TNFSF4: variants seen among roughly 807,000 people sequenced by gnomAD.
The protein encoded by TNFSF4 is tumor necrosis factor ligand superfamily member 4.
In TNFSF4, 4 loss-of-function variants were observed where a neutral mutation model predicts 7.3. That is an observed-to-expected ratio of 0.55 (90% CI 0.27 to 1.25). The LOEUF (loss-of-function observed/expected upper bound fraction) is 1.25. Among genes scored for constraint, TNFSF4 ranks in the 50% most tolerant of loss-of-function variants. The probability of loss-of-function intolerance (pLI) is 0.12; values close to 1 mark genes in which losing one functional copy is unlikely to be tolerated. For missense variants in TNFSF4, 181 were observed against 208.8 expected (o/e 0.87, Z 0.82); for synonymous variants, 76 against 83.7 (o/e 0.91, Z 0.50).
downstream of TNFSF4, among the ~76,000 whole-genome samples, chr1:173,181,985 T>C (rs1183926432): frequency 6.6e-6 from 1 of 152,062 alleles, no homozygotes; most frequent in Non-Finnish European, 1.5e-5. Context: ...ATTTAAGTAA[T>C]AAAAAATACA....
chr1:173,299,872 G>A, the TNFSF4 span, among the ~76,000 whole-genome samples: 1 of 151,746 alleles, frequency 6.6e-6, no homozygotes, highest in African/African-American at 2.4e-5. Flanking sequence ...ACTATAAGCA[G>A]TTTTCTTGTA....
At chr1:173,430,761 C>CTA in the TNFSF4 span, among the ~76,000 whole-genome samples, 1 of 152,172 alleles carries the variant, frequency 6.6e-6, no homozygotes, top group East Asian at 1.9e-4. Context: ...ATAATTTGTG[C>CTA]TATATATAGC....
chr1:173,270,650 G>T, the TNFSF4 span, among the ~76,000 whole-genome samples: 1 of 151,984 alleles, frequency 6.6e-6, no homozygotes, highest in East Asian at 1.9e-4. Flanking sequence ...CAATTATGTT[G>T]GGCTGTGAAG....
At chr1:173,402,442 A>T in the TNFSF4 span, among the ~76,000 whole-genome samples, 1 of 152,054 alleles carries the variant, frequency 6.6e-6, no homozygotes, top group Non-Finnish European at 1.5e-5. Flanking sequence ...CCAAAACCCA[A>T]CCAGAGGTAA....
At chr1:173,334,799 T>A in the TNFSF4 span, among the ~76,000 whole-genome samples, 1 of 152,104 alleles carries the variant, frequency 6.6e-6, no homozygotes, top group African/African-American at 2.4e-5. Context: ...GGCTGCTGCC[T>A]TTCAAGAAAT....
chr1:173,388,087 T>G, the TNFSF4 span, among the ~76,000 whole-genome samples: 2 of 152,218 alleles, frequency 1.3e-5, no homozygotes, highest in Non-Finnish European at 2.9e-5. Context: ...AAAGATTACA[T>G]AAGAGAAAAC....
At chr1:173,357,592 T>C in the TNFSF4 span, among the ~76,000 whole-genome samples, 3 of 152,046 alleles carry the variant, frequency 2.0e-5, no homozygotes, top group South Asian at 6.2e-4. Flanking sequence ...AGCGCAATGG[T>C]GCAATGTCGG....
chr1:173,188,516 C>T lies in TNFSF4; in HGVS notation c.202+5G>A, dbSNP rs1280223420. Reference sequence around the variant, plus strand: ...TGAATCAATTAAACTTTTGACAATACTTACCGGTAAATTGTACTTTGATAC... The same window carrying T: ...TGAATCAATTAAACTTTTGACAATATTTACCGGTAAATTGTACTTTGATAC... On this transcript the variant is annotated splice_donor_5th_base_variant and intron_variant, in intron 2 of 2. Coordinates refer to ENST00000281834, the MANE Select transcript of TNFSF4 (RefSeq NM_003326.5). 9 of 1,606,592 alleles carry T rather than the reference C, an allele frequency of 5.6e-6. No homozygotes were observed. The South Asian group carries it at 9.9e-5, about 18-fold the overall frequency.
the TNFSF4 span, among the ~76,000 whole-genome samples, chr1:173,428,280 G>A: frequency 2.0e-5 from 3 of 152,142 alleles, no homozygotes; most frequent in South Asian, 6.2e-4. Context: ...ATCCATAATG[G>A]TTCATCGTTG....
chr1:173,316,520 C>T, the TNFSF4 span, among the ~76,000 whole-genome samples: 9 of 151,992 alleles, frequency 5.9e-5, no homozygotes, highest in East Asian at 1.9e-4. Context: ...TAACTTCCTG[C>T]CAAACCACAC....
the TNFSF4 span, among the ~76,000 whole-genome samples, chr1:173,245,397 TA>T: frequency 6.6e-6 from 1 of 152,218 alleles, no homozygotes; most frequent in African/African-American, 2.4e-5. Context: ...TCATTCAGAA[TA>T]TTCAGTTACT....
At chr1:173,365,742 T>A in the TNFSF4 span, among the ~76,000 whole-genome samples, 1 of 152,234 alleles carries the variant, frequency 6.6e-6, no homozygotes, top group Non-Finnish European at 1.5e-5. Flanking sequence ...TTACTTCTGA[T>A]GAAATTTACC....
the TNFSF4 span, among the ~76,000 whole-genome samples, chr1:173,247,658 A>G: frequency 1.3e-5 from 2 of 152,202 alleles, no homozygotes; most frequent in Admixed American, 1.3e-4. Flanking sequence ...TCATCAAAAC[A>G]AGGAAAAGAT....
the TNFSF4 span, among the ~76,000 whole-genome samples, chr1:173,178,410 T>C: frequency 1.3e-5 from 2 of 152,036 alleles, no homozygotes; most frequent in Non-Finnish European, 2.9e-5. Flanking sequence ...CTGTTTCTAT[T>C]AAAAATACAA....
the TNFSF4 span, among the ~76,000 whole-genome samples, chr1:173,326,441 C>G: frequency 3.3e-5 from 5 of 152,318 alleles, no homozygotes; most frequent in Non-Finnish European, 5.9e-5. Context: ...GAACCATTCC[C>G]TTTGAAAACT....
the TNFSF4 span, among the ~76,000 whole-genome samples, chr1:173,237,714 C>T: frequency 6.6e-6 from 1 of 152,216 alleles, no homozygotes; most frequent in African/African-American, 2.4e-5. Flanking sequence ...AGTGAAAGAG[C>T]TGTACAACGA....
the TNFSF4 span, among the ~76,000 whole-genome samples, chr1:173,411,592 G>A: frequency 6.6e-6 from 1 of 151,984 alleles, no homozygotes. Context: ...TTGAGGCCAG[G>A]AGTCTGAGAC....
At chr1:173,287,328 C>T in the TNFSF4 span, among the ~76,000 whole-genome samples, 1 of 152,076 alleles carries the variant, frequency 6.6e-6, no homozygotes, top group Non-Finnish European at 1.5e-5. Flanking sequence ...AAGCAAGACC[C>T]TGACTCAAAA....
At chr1:173,212,330 G>A (rs1411424463), upstream of TNFSF4, among the ~76,000 whole-genome samples, 2 of 152,142 alleles carry the variant, frequency 1.3e-5, no homozygotes, top group Non-Finnish European at 2.9e-5. Flanking sequence ...TAGGTTTGGA[G>A]TGATGCCTTT....
Sources: allele counts gnomAD v4.1 joint callset (sites outside exome capture counted in the v4.1 genomes callset), GRCh38; gene constraint gnomAD v4.1.1; transcripts MANE v1.5; gene names NCBI Gene and HGNC (gene_info 2026-07-23, HGNC 2026-07-21).